FBH1: variants seen among roughly 807,000 people sequenced by gnomAD.
The protein encoded by FBH1 is DNA 3'-5' helicase 1.
In FBH1, 43 loss-of-function variants were observed where a neutral mutation model predicts 115.5. That is an observed-to-expected ratio of 0.37 (90% CI 0.29 to 0.48). The LOEUF (loss-of-function observed/expected upper bound fraction) is 0.48. Ranked by LOEUF, FBH1 falls within the 20% of genes least tolerant of loss-of-function variation. The pLI, the probability that FBH1 is intolerant of heterozygous loss-of-function variation, is 0.99. For synonymous variants in FBH1, 524 were observed against 507.8 expected, an observed-to-expected ratio of 1.03 and a Z score of -0.43; for missense variants, 1,001 against 1,337.3, an observed-to-expected ratio of 0.75 and a Z score of 3.92.
At chr10:5,901,120 A>G (rs76992130) in intron 1 of FBH1, among the ~76,000 whole-genome samples, 5,410 of 152,168 alleles carry the variant, frequency 0.036, 191 homozygotes, top group East Asian at 0.15. Flanking sequence ...AGAAAAAAAA[A>G]GAAATGTTGA....
At chr10:5,908,775 T>G in intron 3 of FBH1, 150 bp from the exon 4 acceptor site, 2 of 813,322 alleles carry the variant, frequency 2.5e-6, no homozygotes, top group South Asian at 1.7e-5. Flanking sequence ...CCTGGCTAAT[T>G]TTTGTATTTT....
chr10:5,929,015 C>T (rs755430894), intron 19 of FBH1, among the ~76,000 whole-genome samples: 13 of 152,044 alleles, frequency 8.6e-5, no homozygotes, highest in Non-Finnish European at 1.8e-4. Context: ...GCAGGGTGGG[C>T]GGTCACCACT....
intron 18 of FBH1, 65 bp from the exon 19 acceptor site, chr10:5,927,370 A>T: frequency 8.4e-7 from 1 of 1,190,148 alleles, no homozygotes; most frequent in Non-Finnish European, 1.2e-6. Context: ...TTTAGATGAG[A>T]CATAAGGTTT....
upstream of FBH1, chr10:5,890,064 G>T (rs961720686): frequency 1.7e-5 from 5 of 299,360 alleles, no homozygotes; most frequent in African/African-American, 4.4e-5. Context: ...AGCTGTGGCC[G>T]CGCCCCCACC....
At chr10:5,908,225 ATCT>A (rs1405366465) in intron 3 of FBH1, among the ~76,000 whole-genome samples, 1 of 152,184 alleles carries the variant, frequency 6.6e-6, no homozygotes, top group African/African-American at 2.4e-5. Context: ...TAGTTATTAT[ATCT>A]TCTTGGTGAA....
intron 1 of FBH1, among the ~76,000 whole-genome samples, chr10:5,901,773 A>AT (rs1843361542): frequency 6.6e-6 from 1 of 151,930 alleles, no homozygotes; most frequent in Non-Finnish European, 1.5e-5. Context: ...CCATGTTGCC[A>AT]GGCTGGTCTT....
rs768617858 is a variant in FBH1 at position 5,925,352 on chromosome 10, G to A, written c.2597-15G>A. ...TTTGAAGCACCATCTAACGTGTGCT[G>A]TGTTTTTATCCTAGAGTACATTCTG... On this transcript the variant is annotated splice_polypyrimidine_tract_variant and intron_variant, in intron 17 of 20. Coordinates refer to ENST00000362091, the MANE Select transcript of FBH1 (RefSeq NM_178150.3). This position sits in a 1 kb window ranked among gnomAD's most constrained non-coding sequence, Gnocchi z 4.6. 9.9e-6 allele frequency: 16 copies of A among 1,613,682 alleles called. No individual in the cohort carries two copies. Among genetic ancestry groups the A allele is most frequent in the South Asian group, 2.2e-5 (2 of 91,002 alleles).
chr10:5,894,760 A>G (rs1842912743), intron 1 of FBH1, among the ~76,000 whole-genome samples: 1 of 152,044 alleles, frequency 6.6e-6, no homozygotes, highest in East Asian at 1.9e-4. Flanking sequence ...GTACCTCTCT[A>G]CTCCTTCCCA....
At position 5,923,669 on chromosome 10, in the gene FBH1, C is replaced by T; in HGVS notation, c.2371C>T (p.Leu791Phe). The T allele has an allele frequency of 6.2e-7, 1 of 1,614,172 alleles. No homozygotes were observed. Among genetic ancestry groups the T allele is most frequent in the Non-Finnish European group, 8.5e-7 (1 of 1,180,022 alleles). The change falls in exon 16 of 21, where the codon CTT (leucine) becomes TTT (phenylalanine). Residue 791 changes from leucine to phenylalanine, a missense_variant. By Grantham distance (22) the Leu-to-Phe change is conservative. This residue lies in a region of FBH1 where 521 missense variants were observed against 811.0 expected (regional missense o/e 0.64). Coordinates refer to ENST00000362091, the MANE Select transcript of FBH1 (RefSeq NM_178150.3). This position sits in a 1 kb window ranked among gnomAD's most constrained non-coding sequence, Gnocchi z 5.7. Reference protein sequence around the residue: ...LDRIIDIWILLQPEEERRKQN... With the variant: ...LDRIIDIWILFQPEEERRKQN... The stretch of plus-strand genomic sequence containing the variant: ...CAGAATCATTGATATTTGGATCCTT[C>T]TTCAGCCAGAGGAAGAACGGAGGAA...
In FBH1 at chr10:5,917,444, C is replaced by G. The variant is rs764576065; in HGVS notation, c.1813C>G (p.Leu605Val). 1.2e-6 allele frequency: 2 copies of G among 1,614,084 alleles called. No homozygotes were observed. Among genetic ancestry groups the G allele is most frequent in the Non-Finnish European group, 1.7e-6 (2 of 1,180,050 alleles). Reference sequence around the variant, plus strand: ...GAATGGTGTCCTTGAAGCGAGCCGCCTCTGGGATAACATGCGGAAGCTGGG... The same window carrying G: ...GAATGGTGTCCTTGAAGCGAGCCGCGTCTGGGATAACATGCGGAAGCTGGG... ...KLNGVLEASR[L>V]WDNMRKLGEC... is the part of the protein sequence containing the mutation. The change falls in exon 11 of 21, where the codon CTC becomes GTC. Residue 605 changes from leucine to valine, a missense_variant. Leu to Val is a conservative substitution (Grantham distance 32). Coordinates refer to ENST00000362091, the MANE Select transcript of FBH1 (RefSeq NM_178150.3). This position sits in a 1 kb window ranked among gnomAD's most constrained non-coding sequence, Gnocchi z 5.6.
Position 5,923,783 on chromosome 10 carries a change from A to G in FBH1, c.2398+87A>G. ...GAAGCAGGCCCAGTCTGAGTCAGGG[A>G]CCCGTTTCCCTCCAGAGAAGGGCGA... On this transcript the variant is annotated intron_variant, in intron 16 of 20. Coordinates refer to ENST00000362091, the MANE Select transcript of FBH1 (RefSeq NM_178150.3). This position sits in a 1 kb window ranked among gnomAD's most constrained non-coding sequence, Gnocchi z 5.7. 1.6e-6 allele frequency: 2 copies of G among 1,281,648 alleles called. No individual in the cohort carries two copies. The highest frequency in any genetic ancestry group is 1.3e-5 in the South Asian group (1 of 79,330). 79.4% of individuals were successfully genotyped at this position (1,281,648 alleles called of 1,614,324 possible). A position where few individuals can be genotyped will look rare whatever the true frequency, so the allele number is the denominator to read the frequency against.
Position 5,921,482 on chromosome 10 carries a change from C to G in FBH1, c.2235C>G (p.Ala745=), listed in dbSNP as rs777614215. Residue 745 remains alanine (A), a synonymous_variant, in exon 15 of 21, where the codon GCC becomes GCG. Transcript: ENST00000362091. The surrounding 1 kb of genome is among the most constrained non-coding windows in gnomAD (Gnocchi z 6.4). The part of the protein sequence containing the change: ...GIRGDAKGQV[A]LLSRTNANVF... The stretch of plus-strand genomic sequence containing the variant: ...GAGGTGACGCAAAGGGGCAAGTGGC[C>G]TTGTTGTCCCGGACCAACGCCAACG... 1 of 1,602,642 alleles carries G rather than the reference C, an allele frequency of 6.2e-7. No homozygotes were observed. Among genetic ancestry groups the G allele is most frequent in the East Asian group, 2.2e-5 (1 of 44,834 alleles).
Position 5,933,165 on chromosome 10 carries a change from A to AT in FBH1, c.2830-3290dup. Among the ~76,000 whole-genome samples the AT allele has an allele frequency of 6.6e-6, 1 of 152,140 alleles. No individual in the cohort carries two copies. The highest frequency in any genetic ancestry group is 1.5e-5 in the Non-Finnish European group (1 of 68,020). ...TACTTTGGGAGGCCTAGGAGGGCGG[A>AT]TCACTTGATGTCAGGAGTTCAAGAC... On this transcript the variant is annotated intron_variant, in intron 19 of 20. Transcript: ENST00000362091. This position sits in a 1 kb window ranked among gnomAD's most constrained non-coding sequence, Gnocchi z 4.9.
intron 1 of FBH1, among the ~76,000 whole-genome samples, chr10:5,894,859 G>A (rs1316906831): frequency 3.3e-5 from 5 of 152,176 alleles, no homozygotes; most frequent in Non-Finnish European, 5.9e-5. Flanking sequence ...ATGTAATACA[G>A]TGCAATTAAA....
intron 2 of FBH1, 113 bp downstream of exon 2, chr10:5,903,288 A>G (rs769579019): frequency 1.3e-4 from 100 of 747,390 alleles, no homozygotes; most frequent in Middle Eastern, 8.4e-4. Context: ...TGTAGTCTTC[A>G]TGCAATAGCT....
Position 5,911,045 on chromosome 10 carries a change from C to G in FBH1, c.1128C>G (p.Thr376=). ...FCLRRPSSTV[T]MPDVTETLYC... is the part of the protein sequence containing the mutation. Reference sequence around the variant, plus strand: ...TCCGGAGACCCAGCTCCACGGTGACCATGCCAGATGTCACCGAGACCCTGT... The same window carrying G: ...TCCGGAGACCCAGCTCCACGGTGACGATGCCAGATGTCACCGAGACCCTGT... The change falls in exon 6 of 21, where the codon ACC becomes ACG. Residue 376 remains threonine, a synonymous_variant. Transcript: ENST00000362091. The surrounding 1 kb of genome is among the most constrained non-coding windows in gnomAD (Gnocchi z 5.4). 1 of 1,613,306 alleles carries G rather than the reference C, an allele frequency of 6.2e-7. No homozygotes were observed. Among genetic ancestry groups the G allele is most frequent in the Non-Finnish European group, 8.5e-7 (1 of 1,179,986 alleles).
chr10:5,921,553 G>A lies in FBH1; in HGVS notation c.2306G>A (p.Arg769Lys). The A allele has an allele frequency of 1.3e-6, 2 of 1,594,514 alleles. No individual in the cohort carries two copies. ...VRVTEGEFPS[R>K]IHLIGGIKSF... ...GTGACGGAAGGGGAATTCCCTTCAAGGATACATTTGATTGGGGTAAGAGTA... is the reference window on the plus strand; with the variant it reads ...GTGACGGAAGGGGAATTCCCTTCAAAGATACATTTGATTGGGGTAAGAGTA... Residue 769 changes from arginine (R) to lysine (K), a missense_variant, in exon 15 of 21, where the codon AGG becomes AAG. By Grantham distance (26) the Arg-to-Lys change is conservative (BLOSUM62 2). Around this residue, in one of 4 missense-constraint regions of FBH1, gnomAD observed 521 missense variants for 811.0 expected, o/e 0.64. Coordinates refer to ENST00000362091, the MANE Select transcript of FBH1 (RefSeq NM_178150.3). The surrounding 1 kb of genome is among the most constrained non-coding windows in gnomAD (Gnocchi z 6.4).
chr10:5,916,309 G>C lies in FBH1; in HGVS notation c.1641G>C (p.Lys547Asn). 6.2e-7 allele frequency: 1 copy of C among 1,614,224 alleles called. No individual in the cohort carries two copies. Among genetic ancestry groups the C allele is most frequent in the African/African-American group, 1.3e-5 (1 of 75,052 alleles). Residue 547 changes from lysine (K) to asparagine (N), a missense_variant, in exon 10 of 21, where the codon AAG becomes AAC. Lys to Asn is a moderately conservative substitution (Grantham distance 94). Coordinates refer to ENST00000362091, the MANE Select transcript of FBH1 (RefSeq NM_178150.3). ...TCAACTCCGTCCTTGCTGAAGGGAA[G>C]GGTGGATTCATAAGAGCCAAGCTTG... ...FMVNSVLAEG[K>N]GGFIRAKLVC... is the part of the protein sequence containing the mutation.
At chr10:5,898,806 G>A (rs1036320101) in intron 1 of FBH1, among the ~76,000 whole-genome samples, 54 of 152,286 alleles carry the variant, frequency 3.5e-4, no homozygotes, top group African/African-American at 1.3e-3. Flanking sequence ...CAGACTATAT[G>A]TCTGGCCCCA....
Sources: allele counts gnomAD v4.1 joint callset (sites outside exome capture counted in the v4.1 genomes callset), GRCh38; gene constraint gnomAD v4.1.1; regional missense constraint gnomAD v4.1.1; non-coding constraint Gnocchi (gnomAD v3.1); transcripts MANE v1.5; gene names NCBI Gene and HGNC (gene_info 2026-07-23, HGNC 2026-07-21).